RALYL: variants seen among roughly 807,000 people sequenced by gnomAD.
The protein encoded by RALYL is RALY RNA binding protein like.
A neutral mutation model predicts 35.1 loss-of-function variants in RALYL; 29 were observed. The ratio of observed to expected loss-of-function variants is 0.83; its 90% CI spans 0.61 to 1.13. The LOEUF (loss-of-function observed/expected upper bound fraction) is 1.13. RALYL is among the 50% of genes most tolerant of loss of function. The pLI, the probability that RALYL is intolerant of heterozygous loss-of-function variation, is 0.00. For missense variants in RALYL, 359 were observed against 360.4 expected (o/e 1.00, Z 0.03); for synonymous variants, 120 against 127.6 (o/e 0.94, Z 0.40).
At chr8:84,870,859 T>C (rs1277734075) in intron 6 of RALYL, among the ~76,000 whole-genome samples, 1 of 152,130 alleles carries the variant, frequency 6.6e-6, no homozygotes, top group African/African-American at 2.4e-5. Flanking sequence ...CCAATTGGAC[T>C]AGGTAAGGGG....
intron 1 of RALYL, among the ~76,000 whole-genome samples, chr8:84,329,060 A>G (rs908961849): frequency 7.9e-5 from 12 of 152,162 alleles, no homozygotes; most frequent in Admixed American, 6.6e-5. Context: ...TAGAGCTGTG[A>G]TGAAGATACG....
intron 2 of RALYL, among the ~76,000 whole-genome samples, chr8:84,754,938 T>C (rs1362547712): frequency 6.6e-6 from 1 of 152,212 alleles, no homozygotes; most frequent in Non-Finnish European, 1.5e-5. Flanking sequence ...AATTTCTTTT[T>C]GGTAGATGTG....
chr8:84,897,072 C>G (rs1844883309), intron 8 of RALYL, among the ~76,000 whole-genome samples: 1 of 152,160 alleles, frequency 6.6e-6, no homozygotes. Context: ...GAATTGAATA[C>G]TGGCCTTGAA....
At chr8:84,900,281 T>G (rs7813787) in intron 8 of RALYL, among the ~76,000 whole-genome samples, 70,217 of 152,008 alleles carry the variant, frequency 0.46, 19,166 homozygotes, top group African/African-American at 0.75. Context: ...AATGCTATAA[T>G]GTGTTAGAGG....
chr8:84,595,638 G>T (rs1164212201), intron 2 of RALYL, among the ~76,000 whole-genome samples: 2 of 151,884 alleles, frequency 1.3e-5, no homozygotes, highest in Admixed American at 6.6e-5. Flanking sequence ...AAAAAAGGAG[G>T]CCCTCTACAA....
In RALYL at chr8:84,429,182, G is replaced by C. The variant is rs144217586; in HGVS notation, c.-23-100117G>C. Among the ~76,000 whole-genome samples, 620 of 152,308 alleles carry C rather than the reference G, an allele frequency of 4.1e-3. 6 individuals carry two copies. Among genetic ancestry groups the C allele is most frequent in the African/African-American group, 0.014 (585 of 41,580 alleles). On this transcript the variant is annotated intron_variant, in intron 1 of 8. Coordinates refer to ENST00000521268, the MANE Select transcript of RALYL (RefSeq NM_173848.7). Reference sequence around the variant, plus strand: ...TGCTCTAGGCTTACAAAAGCATGGTGTTGGAATGGTAATTGGATTTCTGAG... The same window carrying C: ...TGCTCTAGGCTTACAAAAGCATGGTCTTGGAATGGTAATTGGATTTCTGAG...
intron 2 of RALYL, among the ~76,000 whole-genome samples, chr8:84,728,183 G>A (rs1444845273): frequency 6.6e-6 from 1 of 151,572 alleles, no homozygotes; most frequent in Non-Finnish European, 1.5e-5. Context: ...GTGTGAGATG[G>A]TATCTCACTG....
chr8:84,907,137 C>T (rs953005807), intron 8 of RALYL: 4 of 213,508 alleles, frequency 1.9e-5, no homozygotes, highest in African/African-American at 7.1e-5. Flanking sequence ...GTAACATTTC[C>T]TAAAAGTAAA....
At position 84,495,028 on chromosome 8, in the gene RALYL, T is replaced by A. The variant is rs573334584; in HGVS notation, c.-23-34271T>A. Among the ~76,000 whole-genome samples, 15 of 152,188 alleles carry A rather than the reference T, an allele frequency of 9.9e-5. No homozygotes were observed. In the East Asian group the frequency reaches 2.7e-3, roughly 27 times the overall value. Reference sequence around the variant, plus strand: ...TTGCCCATTCAGTATGATATTGGCTTGGATTTGTCACAAATTGATTTTATA... The same window carrying A: ...TTGCCCATTCAGTATGATATTGGCTAGGATTTGTCACAAATTGATTTTATA... On this transcript the variant is annotated intron_variant, in intron 1 of 8. Coordinates refer to ENST00000521268, the MANE Select transcript of RALYL (RefSeq NM_173848.7).
intron 4 of RALYL, among the ~76,000 whole-genome samples, chr8:84,837,153 G>T (rs1235035839): frequency 1.3e-5 from 2 of 152,108 alleles, no homozygotes; most frequent in African/African-American, 4.8e-5. Flanking sequence ...TTCAGATTCA[G>T]TTATCAAATT....
chr8:84,255,758 G>A (rs1370014792), intron 1 of RALYL, among the ~76,000 whole-genome samples: 2 of 152,046 alleles, frequency 1.3e-5, no homozygotes, highest in African/African-American at 4.8e-5. Flanking sequence ...AAATGACTGT[G>A]TCTGTGTTTA....
intron 2 of RALYL, among the ~76,000 whole-genome samples, chr8:84,591,803 T>C (rs1813358747): frequency 6.6e-6 from 1 of 152,132 alleles, no homozygotes; most frequent in Non-Finnish European, 1.5e-5. Flanking sequence ...GAAAAGCAAA[T>C]GAAATTCACA....
intron 1 of RALYL, among the ~76,000 whole-genome samples, chr8:84,278,287 A>G (rs1323627069): frequency 6.6e-6 from 1 of 152,194 alleles, no homozygotes; most frequent in Non-Finnish European, 1.5e-5. Context: ...AGCCACAGCT[A>G]GAGCTGAAGA....
At chr8:84,736,887 A>T (rs1269277055) in intron 2 of RALYL, among the ~76,000 whole-genome samples, 3 of 152,078 alleles carry the variant, frequency 2.0e-5, no homozygotes, top group Non-Finnish European at 4.4e-5. Context: ...AAACACCTTT[A>T]AAAGAAATAT....
intron 1 of RALYL, among the ~76,000 whole-genome samples, chr8:84,471,687 A>G (rs894661797): frequency 6.6e-6 from 1 of 152,248 alleles, no homozygotes; most frequent in Admixed American, 6.5e-5. Flanking sequence ...AAACTTCATT[A>G]GATAGATGCA....
At chr8:84,780,828 A>C (rs965546497) in intron 3 of RALYL, among the ~76,000 whole-genome samples, 1 of 152,122 alleles carries the variant, frequency 6.6e-6, no homozygotes, top group African/African-American at 2.4e-5. Flanking sequence ...TCTATGATAA[A>C]GTATTTTAGG....
chr8:84,669,708 A>G (rs1413216976), intron 2 of RALYL, among the ~76,000 whole-genome samples: 1 of 152,174 alleles, frequency 6.6e-6, no homozygotes, highest in Middle Eastern at 3.4e-3. Flanking sequence ...TAAGATGGCC[A>G]TTCACTTTTT....
chr8:84,857,168 G>C (rs1837228148), intron 5 of RALYL, among the ~76,000 whole-genome samples: 1 of 152,102 alleles, frequency 6.6e-6, no homozygotes, highest in East Asian at 1.9e-4. Flanking sequence ...TGAAAAGGAA[G>C]GCTGGAGGTT....
At chr8:84,388,472 T>C (rs1859788338) in intron 1 of RALYL, among the ~76,000 whole-genome samples, 2 of 152,162 alleles carry the variant, frequency 1.3e-5, no homozygotes, top group Admixed American at 6.6e-5. Flanking sequence ...TGTAAAAGTG[T>C]TTCTATTTCT....
Sources: allele counts gnomAD v4.1 joint callset (sites outside exome capture counted in the v4.1 genomes callset), GRCh38; gene constraint gnomAD v4.1.1; transcripts MANE v1.5; gene names NCBI Gene and HGNC (gene_info 2026-07-23, HGNC 2026-07-21).